ELAPOR2: variants seen among roughly 807,000 people sequenced by gnomAD.
ELAPOR2 encodes endosome/lysosome-associated apoptosis and autophagy regulator family member 2.
In ELAPOR2, 89 loss-of-function variants were observed where a neutral mutation model predicts 120.7. The observed-to-expected ratio is 0.74, with a 90% CI of 0.62 to 0.88. ELAPOR2 has a LOEUF of 0.88. Ranked by LOEUF, ELAPOR2 falls within the 40% of genes least tolerant of loss-of-function variation. ELAPOR2 has a pLI of 0.00. For synonymous variants in ELAPOR2, 444 were observed against 444.9 expected, an observed-to-expected ratio of 1.00 and a Z score of 0.03; for missense variants, 1,134 against 1,251.6, an observed-to-expected ratio of 0.91 and a Z score of 1.42.
intron 1 of ELAPOR2, among the ~76,000 whole-genome samples, chr7:87,011,886 T>C (rs1793694072): frequency 1.3e-5 from 2 of 152,228 alleles, no homozygotes; most frequent in African/African-American, 4.8e-5. Context: ...AAATATAAGC[T>C]ATAAATGCAA....
In ELAPOR2 at chr7:87,011,659, G is replaced by A. The variant is rs76042395; in HGVS notation, c.190-46635C>T. Among the ~76,000 whole-genome samples the A allele has an allele frequency of 2.8e-3, 421 of 152,292 alleles. 1 individual carries two copies. The highest frequency in any genetic ancestry group is 9.8e-3 in the African/African-American group (407 of 41,570). The stretch of plus-strand genomic sequence containing the variant: ...ACTTGGTGTCTTGGGAGCTTTCACA[G>A]AAGCACATAACAACCACCTATAATG... On this transcript the variant is annotated intron_variant, in intron 1 of 21. Transcript: ENST00000450689.
At chr7:86,902,159 G>A (rs1562907759) in intron 18 of ELAPOR2, among the ~76,000 whole-genome samples, 2 of 150,678 alleles carry the variant, frequency 1.3e-5, no homozygotes, top group Non-Finnish European at 3.0e-5. Flanking sequence ...GCTCTCTGGA[G>A]TCTTTTTTTG....
intron 1 of ELAPOR2, among the ~76,000 whole-genome samples, chr7:87,006,966 T>C (rs561511744): frequency 6.6e-6 from 1 of 152,188 alleles, no homozygotes; most frequent in Non-Finnish European, 1.5e-5. Context: ...CACAAAAGTA[T>C]GTACTGTATA....
intron 1 of ELAPOR2, among the ~76,000 whole-genome samples, chr7:87,025,777 T>G (rs1284261254): frequency 1.3e-5 from 2 of 152,130 alleles, no homozygotes; most frequent in Non-Finnish European, 2.9e-5. Context: ...ACATTTCAAG[T>G]AAAATCAAAT....
chr7:86,906,141 C>G lies in ELAPOR2; in HGVS notation c.2558+1529G>C, dbSNP rs1789001514. 2.0e-5 allele frequency among the ~76,000 whole-genome samples: 3 copies of G among 152,172 alleles called. No homozygotes were observed. The South Asian group carries it at 6.2e-4, about 32-fold the overall frequency. On this transcript the variant is annotated intron_variant, in intron 18 of 21. Coordinates refer to ENST00000450689, the MANE Select transcript of ELAPOR2 (RefSeq NM_001142749.3). Reference sequence around the variant, plus strand: ...AATTGTTAGGTTCACAATATGGCCCCCAGATGTGCTGTAGTAAATAGAATA... The same window carrying G: ...AATTGTTAGGTTCACAATATGGCCCGCAGATGTGCTGTAGTAAATAGAATA...
intron 1 of ELAPOR2, among the ~76,000 whole-genome samples, chr7:87,013,797 G>A (rs966328369): frequency 6.6e-6 from 1 of 151,916 alleles, no homozygotes; most frequent in Admixed American, 6.6e-5. Flanking sequence ...CTTATTATTG[G>A]TGATTCCATA....
intron 2 of ELAPOR2, among the ~76,000 whole-genome samples, chr7:86,950,333 G>T (rs907455599): frequency 2.6e-5 from 4 of 152,232 alleles, no homozygotes; most frequent in African/African-American, 9.6e-5. Flanking sequence ...TTAACAAATA[G>T]GGCTGAAACA....
chr7:86,910,107 C>A (rs1024338575), intron 15 of ELAPOR2, 106 bp from the exon 16 acceptor site: 11 of 813,096 alleles, frequency 1.4e-5, no homozygotes, highest in Non-Finnish European at 1.9e-5. Flanking sequence ...CTCCTCACTG[C>A]AAGGATTCTG....
chr7:86,895,561 TATCA>T (rs1432484885), intron 19 of ELAPOR2, among the ~76,000 whole-genome samples: 1 of 152,036 alleles, frequency 6.6e-6, no homozygotes, highest in East Asian at 1.9e-4. Flanking sequence ...ATCCAAAAAG[TATCA>T]TTTTAAAGGC....
chr7:86,946,847 T>C (rs1181079811), intron 3 of ELAPOR2, among the ~76,000 whole-genome samples: 2 of 152,150 alleles, frequency 1.3e-5, no homozygotes, highest in African/African-American at 2.4e-5. Flanking sequence ...TCCCACAACA[T>C]CCTACTAGTA....
intron 2 of ELAPOR2, among the ~76,000 whole-genome samples, chr7:86,952,991 G>A (rs1791324584): frequency 6.6e-6 from 1 of 151,818 alleles, no homozygotes; most frequent in South Asian, 2.1e-4. Flanking sequence ...AGCTACTTGG[G>A]AGGCTGAGGC....
intron 21 of ELAPOR2, among the ~76,000 whole-genome samples, chr7:86,885,208 C>A (rs1003588145): frequency 6.6e-6 from 1 of 152,152 alleles, no homozygotes; most frequent in African/African-American, 2.4e-5. Context: ...ATTCTTTAAA[C>A]ATGTCTCCAA....
intron 1 of ELAPOR2, among the ~76,000 whole-genome samples, chr7:86,996,544 A>G (rs1478973515): frequency 1.3e-5 from 2 of 152,254 alleles, no homozygotes; most frequent in Non-Finnish European, 2.9e-5. Context: ...TAGATATCTT[A>G]AAACGGAGAT....
chr7:86,908,247 T>C (rs1789127268), intron 17 of ELAPOR2, among the ~76,000 whole-genome samples, 200 bp downstream of exon 17: 1 of 151,912 alleles, frequency 6.6e-6, no homozygotes, highest in South Asian at 2.1e-4. Flanking sequence ...ATCCTTCATT[T>C]AAGAATCAGT....
intron 1 of ELAPOR2, among the ~76,000 whole-genome samples, chr7:87,027,506 C>T (rs773751184): frequency 3.3e-5 from 5 of 152,114 alleles, no homozygotes; most frequent in Non-Finnish European, 7.3e-5. Context: ...ATGCTGAAGT[C>T]CTAACTCCTA....
intron 12 of ELAPOR2, among the ~76,000 whole-genome samples, chr7:86,916,984 T>TG (rs397940024): frequency 9.7e-5 from 14 of 143,604 alleles, no homozygotes; most frequent in Admixed American, 1.4e-4. Flanking sequence ...TTTTTTTTTT[T>TG]GGGTAGAGAT....
chr7:87,040,260 G>C lies in ELAPOR2; in HGVS notation c.189+19065C>G, dbSNP rs570400303. 8.2e-3 allele frequency among the ~76,000 whole-genome samples: 1,242 copies of C among 152,346 alleles called. 18 individuals are homozygous for C. Among genetic ancestry groups the C allele is most frequent in the African/African-American group, 0.029 (1,193 of 41,574 alleles). On this transcript the variant is annotated intron_variant, in intron 1 of 21. Transcript: ENST00000450689. ...GCAGCCGGAAAGCTCGAACTGGGTG[G>C]AGCCCACCACAGCTCAAGGAGGCCT...
At chr7:86,911,611 T>C (rs1362724167) in intron 15 of ELAPOR2, 1 of 456,282 alleles carries the variant, frequency 2.2e-6, no homozygotes, top group African/African-American at 2.0e-5. Flanking sequence ...ATTTGTATGA[T>C]TTAAGCCTAC....
At chr7:86,896,391 G>A (rs1022533802) in intron 19 of ELAPOR2, among the ~76,000 whole-genome samples, 26 of 151,948 alleles carry the variant, frequency 1.7e-4, no homozygotes, top group African/African-American at 5.6e-4. Context: ...AGTTCTCTAC[G>A]GTTTTTTCCT....
Sources: gnomAD v4.1 joint callset for allele counts (sites outside exome capture counted in the v4.1 genomes callset) on GRCh38, gnomAD v4.1.1 for gene constraint, MANE v1.5 for transcripts, NCBI Gene and HGNC (gene_info 2026-07-23, HGNC 2026-07-21) for gene names.